PDZRN4: variants seen among roughly 807,000 people sequenced by gnomAD.
PDZRN4 encodes PDZ domain-containing RING finger protein 4.
In PDZRN4, 70 loss-of-function variants were observed where a neutral mutation model predicts 99.0. That is an observed-to-expected ratio of 0.71 (90% CI 0.58 to 0.86). PDZRN4 has a LOEUF of 0.86. PDZRN4 is among the 40% of genes least tolerant of loss of function. The pLI, the probability that PDZRN4 is intolerant of heterozygous loss-of-function variation, is 0.00. For synonymous variants in PDZRN4, 551 were observed against 501.6 expected (o/e 1.10, Z -1.32); for missense variants, 1,474 against 1,331.2 (o/e 1.11, Z -1.67).
intron 3 of PDZRN4, among the ~76,000 whole-genome samples, chr12:41,273,469 A>C (rs970106703): frequency 6.6e-6 from 1 of 152,108 alleles, no homozygotes; most frequent in Non-Finnish European, 1.5e-5. Context: ...ACAGAGAATG[A>C]AACAGTATAG....
At chr12:41,415,572 G>A (rs1277387255) in intron 3 of PDZRN4, among the ~76,000 whole-genome samples, 1 of 151,988 alleles carries the variant, frequency 6.6e-6, no homozygotes, top group East Asian at 1.9e-4. Flanking sequence ...TTGTTGTAAA[G>A]CATCCAACAT....
At chr12:41,378,902 G>A (rs371792106) in intron 3 of PDZRN4, among the ~76,000 whole-genome samples, 4 of 152,114 alleles carry the variant, frequency 2.6e-5, no homozygotes, top group South Asian at 2.1e-4. Context: ...ATTCATCAGC[G>A]AATACTGGGG....
intron 3 of PDZRN4, among the ~76,000 whole-genome samples, chr12:41,337,471 G>A (rs1211370666): frequency 6.6e-6 from 1 of 151,876 alleles, no homozygotes; most frequent in African/African-American, 2.4e-5. Flanking sequence ...GATGCGAAGA[G>A]GATGGGACCT....
intron 5 of PDZRN4, among the ~76,000 whole-genome samples, chr12:41,545,118 A>C (rs1328865481): frequency 1.3e-5 from 2 of 152,306 alleles, no homozygotes; most frequent in Non-Finnish European, 2.9e-5. Context: ...TACAAATATG[A>C]TAGTTTTATT....
intron 3 of PDZRN4, among the ~76,000 whole-genome samples, chr12:41,203,851 T>C (rs1431871989): frequency 1.3e-5 from 2 of 152,000 alleles, no homozygotes; most frequent in East Asian, 3.9e-4. Flanking sequence ...AGTTTGCTTT[T>C]TATGGTATAG....
intron 5 of PDZRN4, among the ~76,000 whole-genome samples, chr12:41,543,618 C>T (rs1469724066): frequency 6.6e-6 from 1 of 152,078 alleles, no homozygotes; most frequent in Non-Finnish European, 1.5e-5. Context: ...CAAATAGTGG[C>T]ACTAAATTTC....
chr12:41,540,878 TGTTGTTGTTGTTGTCCCTTTTCTTC>T (rs923200546), intron 5 of PDZRN4, among the ~76,000 whole-genome samples: 79 of 113,456 alleles, frequency 7.0e-4, no homozygotes, highest in East Asian at 1.8e-3. Context: ...TTGTTGTTGT[TGTTGTTGTTGTTGTCCCTTTTCTTC>T]GTTGTTGTTG....
chr12:41,537,835 G>T (rs911692079), intron 5 of PDZRN4, among the ~76,000 whole-genome samples: 1 of 152,116 alleles, frequency 6.6e-6, no homozygotes, highest in African/African-American at 2.4e-5. Flanking sequence ...AAATGATAAG[G>T]TCATTAACCA....
chr12:41,449,874 T>C (rs1952760664), intron 3 of PDZRN4, among the ~76,000 whole-genome samples: 1 of 152,212 alleles, frequency 6.6e-6, no homozygotes, highest in Admixed American at 6.5e-5. Context: ...TTGTCCATCA[T>C]TGAAATAGTC....
intron 3 of PDZRN4, among the ~76,000 whole-genome samples, chr12:41,427,128 C>G (rs1358982938): frequency 6.6e-6 from 1 of 152,176 alleles, no homozygotes; most frequent in Non-Finnish European, 1.5e-5. Context: ...TTCTGCTTCT[C>G]CCTGGCTGCC....
chr12:41,253,135 G>T (rs556388086), intron 3 of PDZRN4, among the ~76,000 whole-genome samples: 1 of 152,168 alleles, frequency 6.6e-6, no homozygotes, highest in Non-Finnish European at 1.5e-5. Context: ...TTACTTTGTT[G>T]ATTGTTTCCC....
intron 3 of PDZRN4, among the ~76,000 whole-genome samples, chr12:41,216,786 CT>C (rs1280243435): frequency 6.6e-6 from 1 of 151,742 alleles, no homozygotes. Context: ...GTCATCCTTT[CT>C]TTTTTTTAGG....
chr12:41,246,074 C>CT (rs149186737), intron 3 of PDZRN4, among the ~76,000 whole-genome samples: 1 of 152,160 alleles, frequency 6.6e-6, no homozygotes, highest in East Asian at 1.9e-4. Flanking sequence ...GATTGAGGAG[C>CT]TTTGGGTAGA....
At chr12:41,526,030 C>T (rs545687589) in intron 5 of PDZRN4, among the ~76,000 whole-genome samples, 1 of 152,228 alleles carries the variant, frequency 6.6e-6, no homozygotes, top group East Asian at 1.9e-4. Context: ...AAATCCAGTC[C>T]TACCTTCCAC....
rs11324694 is a variant in PDZRN4 at position 41,399,736 on chromosome 12, CAA to C, written c.844-106707_844-106706del. ...GGGCAACAAGAGTGAAACTTTGTCT[CAA>C]AAAAAAAAAAAAGTATTTCAACCTA... On this transcript the variant is annotated intron_variant, in intron 3 of 9. Coordinates refer to ENST00000402685, the MANE Select transcript of PDZRN4 (RefSeq NM_001164595.2). 1.1e-4 allele frequency among the ~76,000 whole-genome samples: 14 copies of C among 127,506 alleles called. No homozygotes were observed. In the East Asian group the frequency reaches 1.3e-3, roughly 12 times the overall value. 83.6% of individuals were successfully genotyped at this position (127,506 alleles called of 152,430 possible).
chr12:41,293,392 T>A (rs941026825), intron 3 of PDZRN4, among the ~76,000 whole-genome samples: 1 of 151,392 alleles, frequency 6.6e-6, no homozygotes, highest in African/African-American at 2.4e-5. Flanking sequence ...GCTAGCTCCT[T>A]CCCCACTCCA....
At chr12:41,276,418 G>A (rs908645761) in intron 3 of PDZRN4, among the ~76,000 whole-genome samples, 1 of 151,962 alleles carries the variant, frequency 6.6e-6, no homozygotes, top group African/African-American at 2.4e-5. Flanking sequence ...GCCTCAGATA[G>A]ATTCAGATAG....
At chr12:41,553,615 G>A (rs1398281212) in intron 6 of PDZRN4, among the ~76,000 whole-genome samples, 1 of 151,986 alleles carries the variant, frequency 6.6e-6, no homozygotes, top group Non-Finnish European at 1.5e-5. Flanking sequence ...GATAGCTTGA[G>A]CACAGTAATT....
intron 7 of PDZRN4, among the ~76,000 whole-genome samples, chr12:41,556,694 G>A (rs573535741): frequency 2.6e-5 from 4 of 152,338 alleles, no homozygotes; most frequent in African/African-American, 9.6e-5. Flanking sequence ...CATAGAGACT[G>A]ATTACATTTC....
Sources: allele counts gnomAD v4.1 joint callset (sites outside exome capture counted in the v4.1 genomes callset), GRCh38; gene constraint gnomAD v4.1.1; transcripts MANE v1.5; gene names NCBI Gene and HGNC (gene_info 2026-07-23, HGNC 2026-07-21).